LRMDA: variants seen among roughly 807,000 people sequenced by gnomAD.
LRMDA encodes leucine rich melanocyte differentiation associated.
A neutral mutation model predicts 29.8 loss-of-function variants in LRMDA; 18 were observed. The observed-to-expected ratio is 0.60, with a 90% CI of 0.42 to 0.90. The LOEUF (loss-of-function observed/expected upper bound fraction) is 0.90. LRMDA is among the 40% of genes least tolerant of loss of function. The probability of loss-of-function intolerance (pLI) is 0.00; values close to 1 mark genes in which losing one functional copy is unlikely to be tolerated. For synonymous variants in LRMDA, 125 were observed against 109.4 expected, an observed-to-expected ratio of 1.14 and a Z score of -0.89; for missense variants, 273 against 273.9, an observed-to-expected ratio of 1.00 and a Z score of 0.02.
chr10:75,967,334 CCAAA>C (rs1564618845), intron 2 of LRMDA, among the ~76,000 whole-genome samples: 1 of 152,082 alleles, frequency 6.6e-6, no homozygotes, highest in Non-Finnish European at 1.5e-5. Context: ...TGCTCCCTAG[CCAAA>C]CAATTTGTAC....
intron 6 of LRMDA, among the ~76,000 whole-genome samples, chr10:76,417,253 C>A (rs932922547): frequency 6.6e-6 from 1 of 152,146 alleles, no homozygotes; most frequent in Non-Finnish European, 1.5e-5. Flanking sequence ...GCTGAAATTT[C>A]TCTTTTATAT....
chr10:75,475,042 G>A (rs938233496), intron 2 of LRMDA, among the ~76,000 whole-genome samples: 2 of 152,172 alleles, frequency 1.3e-5, no homozygotes, highest in Admixed American at 6.5e-5. Context: ...ATGTTCAAAT[G>A]TTTCTCTTGA....
intron 5 of LRMDA, among the ~76,000 whole-genome samples, chr10:76,256,926 A>G (rs992596997): frequency 1.3e-5 from 2 of 152,202 alleles, no homozygotes; most frequent in Non-Finnish European, 2.9e-5. Context: ...CTGCATTTGA[A>G]CAATATATTT....
intron 6 of LRMDA, among the ~76,000 whole-genome samples, chr10:76,431,823 C>T (rs73292536): frequency 0.051 from 7,722 of 152,142 alleles, 256 homozygotes; most frequent in African/African-American, 0.081. Flanking sequence ...GGTGGTCTCC[C>T]GTGCTGTTCA....
intron 2 of LRMDA, among the ~76,000 whole-genome samples, chr10:75,485,554 G>A (rs767403070): frequency 1.3e-5 from 2 of 151,944 alleles, no homozygotes; most frequent in Non-Finnish European, 2.9e-5. Flanking sequence ...GTGCCACCAT[G>A]CCCAGCTAAT....
intron 5 of LRMDA, among the ~76,000 whole-genome samples, chr10:76,110,204 G>A (rs985363624): frequency 4.6e-5 from 7 of 152,188 alleles, no homozygotes; most frequent in African/African-American, 1.7e-4. Context: ...AGGTATGCAA[G>A]TCAGAAGCTT....
chr10:76,362,281 A>G (rs1030465096), intron 6 of LRMDA, among the ~76,000 whole-genome samples: 3 of 152,238 alleles, frequency 2.0e-5, no homozygotes, highest in African/African-American at 7.2e-5. Context: ...AGTGCTGTAT[A>G]AACAGGTGGT....
chr10:75,718,011 TTAAG>T (rs925263996), intron 2 of LRMDA, among the ~76,000 whole-genome samples: 2 of 152,226 alleles, frequency 1.3e-5, no homozygotes, highest in Non-Finnish European at 1.5e-5. Context: ...AGTGGATGAA[TTAAG>T]TGAGTTTATA....
At chr10:76,132,002 C>T (rs979894144) in intron 5 of LRMDA, among the ~76,000 whole-genome samples, 1 of 152,060 alleles carries the variant, frequency 6.6e-6, no homozygotes, top group Non-Finnish European at 1.5e-5. Context: ...TCTAATTTAC[C>T]TCCAGTACAA....
intron 5 of LRMDA, among the ~76,000 whole-genome samples, chr10:76,104,573 G>C (rs532155484): frequency 6.6e-6 from 1 of 151,630 alleles, no homozygotes; most frequent in East Asian, 1.9e-4. Context: ...GGGTCTCACC[G>C]TGTGTCTTGG....
intron 5 of LRMDA, among the ~76,000 whole-genome samples, chr10:76,107,675 C>T (rs1426840375): frequency 2.6e-5 from 4 of 152,238 alleles, no homozygotes. Context: ...CAGCTTCCCC[C>T]TTTTGCTGGT....
intron 2 of LRMDA, among the ~76,000 whole-genome samples, chr10:76,029,667 C>T (rs1026097116): frequency 6.6e-6 from 1 of 152,130 alleles, no homozygotes; most frequent in Non-Finnish European, 1.5e-5. Context: ...ATTACTAATT[C>T]TTTAGGCATC....
chr10:75,612,729 A>T (rs1041578772), intron 2 of LRMDA, among the ~76,000 whole-genome samples: 2 of 151,164 alleles, frequency 1.3e-5, no homozygotes, highest in Non-Finnish European at 2.9e-5. Context: ...ACTGATAAGC[A>T]CAGATTTTCA....
At chr10:76,302,690 G>A (rs993975669) in intron 5 of LRMDA, among the ~76,000 whole-genome samples, 2 of 152,122 alleles carry the variant, frequency 1.3e-5, no homozygotes, top group Non-Finnish European at 2.9e-5. Flanking sequence ...TGACTTTGGT[G>A]ATTGTGAGAT....
chr10:76,481,674 T>C (rs570905466), intron 6 of LRMDA, among the ~76,000 whole-genome samples: 29 of 152,068 alleles, frequency 1.9e-4, no homozygotes, highest in African/African-American at 6.5e-4. Flanking sequence ...AACAGATTAA[T>C]GTTTTTCTTT....
At chr10:76,394,901 G>A (rs1228064334) in intron 6 of LRMDA, among the ~76,000 whole-genome samples, 4 of 152,000 alleles carry the variant, frequency 2.6e-5, no homozygotes, top group Non-Finnish European at 4.4e-5. Context: ...AAACATGCTT[G>A]CCATTACTCA....
intron 6 of LRMDA, among the ~76,000 whole-genome samples, chr10:76,420,876 A>G (rs1020642038): frequency 5.3e-5 from 8 of 152,046 alleles, no homozygotes; most frequent in Admixed American, 5.2e-4. Flanking sequence ...CCGGTCAGAG[A>G]ATATACTTGG....
intron 2 of LRMDA, among the ~76,000 whole-genome samples, chr10:75,876,601 C>A (rs1006433548): frequency 2.0e-5 from 3 of 152,194 alleles, no homozygotes; most frequent in African/African-American, 7.2e-5. Context: ...ACTTTCTATT[C>A]ATGGGCCTGA....
At chr10:76,370,126 C>CAA (rs34093833) in intron 6 of LRMDA, among the ~76,000 whole-genome samples, 23 of 152,042 alleles carry the variant, frequency 1.5e-4, no homozygotes, top group Middle Eastern at 3.4e-3. Context: ...TTTATGCCAG[C>CAA]AAAAAAAGTA....
Sources: gnomAD v4.1 joint callset for allele counts (sites outside exome capture counted in the v4.1 genomes callset) on GRCh38, gnomAD v4.1.1 for gene constraint, MANE v1.5 for transcripts, NCBI Gene and HGNC (gene_info 2026-07-23, HGNC 2026-07-21) for gene names.